The following CEP85L variants were observed in gnomAD, a reference collection of about 807,000 sequenced individuals.
CEP85L encodes centrosomal protein 85L, also known as centrosomal protein of 85 kDa-like.
In CEP85L, 60 loss-of-function variants were observed where a neutral mutation model predicts 100.3. The observed-to-expected ratio is 0.60, with a 90% CI of 0.49 to 0.74. The LOEUF (loss-of-function observed/expected upper bound fraction) is 0.74. CEP85L is among the 30% of genes least tolerant of loss of function. The pLI is 0.00. For missense variants in CEP85L, 973 were observed against 936.2 expected (o/e 1.04, Z -0.51); for synonymous variants, 319 against 322.7 (o/e 0.99, Z 0.12).
intron 3 of CEP85L, among the ~76,000 whole-genome samples, chr6:118,541,453 T>C (rs946282498): frequency 3.3e-5 from 5 of 152,208 alleles, no homozygotes; most frequent in African/African-American, 1.2e-4. Context: ...ACTGGAACAT[T>C]TTTACATCTT....
chr6:118,649,072 C>T (rs1358235991), intron 1 of CEP85L, among the ~76,000 whole-genome samples: 1 of 152,128 alleles, frequency 6.6e-6, no homozygotes, highest in Non-Finnish European at 1.5e-5. Context: ...TTGACCTTCA[C>T]CATCTGCTCA....
At chr6:118,676,707 G>A (rs1460684219) in intron 1 of CEP85L, among the ~76,000 whole-genome samples, 6 of 152,198 alleles carry the variant, frequency 3.9e-5, no homozygotes, top group African/African-American at 4.8e-5. Context: ...ATACCCAAAA[G>A]TGGGATGGCT....
chr6:118,500,297 C>A, intron 5 of CEP85L, among the ~76,000 whole-genome samples: 1 of 152,138 alleles, frequency 6.6e-6, no homozygotes, highest in East Asian at 1.9e-4. Context: ...GTGACCAACT[C>A]AGCATTCCAC....
At chr6:118,667,333 G>T (rs1776164857) in intron 1 of CEP85L, among the ~76,000 whole-genome samples, 1 of 152,122 alleles carries the variant, frequency 6.6e-6, no homozygotes, top group East Asian at 1.9e-4. Context: ...TCTAAGTGCT[G>T]CTCTAAGGTT....
At chr6:118,483,113 A>C (rs942924631) in intron 7 of CEP85L, among the ~76,000 whole-genome samples, 1 of 152,154 alleles carries the variant, frequency 6.6e-6, no homozygotes, top group Non-Finnish European at 1.5e-5. Flanking sequence ...GAGGTCAAGA[A>C]TCCCTGGCTT....
intron 2 of CEP85L, among the ~76,000 whole-genome samples, chr6:118,581,807 T>C (rs1343247301): frequency 1.3e-5 from 2 of 152,056 alleles, no homozygotes; most frequent in Non-Finnish European, 2.9e-5. Context: ...CCCTGAGACT[T>C]TGAAAAAAAA....
chr6:118,698,152 T>C (rs1777276904), intron 1 of CEP85L, among the ~76,000 whole-genome samples: 1 of 152,196 alleles, frequency 6.6e-6, no homozygotes, highest in Admixed American at 6.5e-5. Flanking sequence ...AAATGAGACA[T>C]ATGTTGCTTC....
intron 7 of CEP85L, among the ~76,000 whole-genome samples, chr6:118,482,879 G>C (rs1207188767): frequency 1.3e-5 from 2 of 152,178 alleles, no homozygotes; most frequent in Non-Finnish European, 1.5e-5. Context: ...AAAGTATGCA[G>C]AGTGACACTT....
chr6:118,602,283 TTCAG>T (rs1221659892), intron 2 of CEP85L, among the ~76,000 whole-genome samples: 1 of 152,242 alleles, frequency 6.6e-6, no homozygotes, highest in African/African-American at 2.4e-5. Flanking sequence ...TATGAAAATA[TTCAG>T]TAAGCTTCTC....
At chr6:118,700,966 T>G (rs139597257) in intron 1 of CEP85L, among the ~76,000 whole-genome samples, 70 of 152,304 alleles carry the variant, frequency 4.6e-4, no homozygotes, top group African/African-American at 1.6e-3. Context: ...GAATTAGCTT[T>G]GTCCTCAGGA....
Position 118,491,801 on chromosome 6 carries a change from T to C in CEP85L, c.1322A>G (p.Gln441Arg), listed in dbSNP as rs1464623694. Residue 441 changes from glutamine to arginine, a missense_variant, in exon 6 of 13, where the codon CAA (glutamine) becomes CGA (arginine). Physicochemically the swap from Gln to Arg is conservative, Grantham distance 43. This residue lies in a region of CEP85L where 890 missense variants were observed against 844.5 expected (regional missense o/e 1.05). Coordinates refer to ENST00000368491, the MANE Select transcript of CEP85L (RefSeq NM_001042475.3). Reference sequence around the variant, plus strand: ...TGCAAGCTTTTGCTCAAATTCCCCTTGTTGGGAATGGGAAACTGATTCCTC... The same window carrying C: ...TGCAAGCTTTTGCTCAAATTCCCCTCGTTGGGAATGGGAAACTGATTCCTC... ...FSEESVSHSQ[Q>R]GEFEQKLAST... is the part of the protein sequence containing the mutation. 1.2e-6 allele frequency: 2 copies of C among 1,612,702 alleles called. No homozygotes were observed. Among genetic ancestry groups the C allele is most frequent in the African/African-American group, 2.7e-5 (2 of 74,838 alleles).
At chr6:118,623,776 A>G (rs888169375) in intron 2 of CEP85L, among the ~76,000 whole-genome samples, 1 of 152,214 alleles carries the variant, frequency 6.6e-6, no homozygotes, top group Non-Finnish European at 1.5e-5. Context: ...CAAAGATATA[A>G]TAACTTCTCT....
chr6:118,705,606 A>C (rs1777569868), intron 1 of CEP85L, among the ~76,000 whole-genome samples: 1 of 152,254 alleles, frequency 6.6e-6, no homozygotes, highest in Admixed American at 6.5e-5. Context: ...TGATTTGCAC[A>C]AAATGAAGGA....
chr6:118,624,123 G>T (rs1309488674), intron 2 of CEP85L, among the ~76,000 whole-genome samples: 2 of 152,110 alleles, frequency 1.3e-5, no homozygotes, highest in African/African-American at 4.8e-5. Context: ...TCCTATTTCG[G>T]AAGGAAGCAT....
intron 1 of CEP85L, among the ~76,000 whole-genome samples, chr6:118,695,438 A>C (rs1170050956): frequency 6.6e-6 from 1 of 152,186 alleles, no homozygotes; most frequent in Non-Finnish European, 1.5e-5. Context: ...TGGCTCTCAA[A>C]CTTTAACATG....
At chr6:118,501,597 C>A in intron 5 of CEP85L, 1 of 579,186 alleles carries the variant, frequency 1.7e-6, no homozygotes. Flanking sequence ...AACTTCAAAC[C>A]AATATGTACT....
Position 118,473,929 on chromosome 6 carries a change from T to C in CEP85L, c.1915-3285A>G, listed in dbSNP as rs533737895. 1.2e-3 allele frequency among the ~76,000 whole-genome samples: 179 copies of C among 148,068 alleles called. 4 individuals are homozygous for C. In the South Asian group the frequency reaches 0.021, roughly 18 times the overall value. The stretch of plus-strand genomic sequence containing the variant: ...GGTGTTTATTTTGGTGGTGGGGAGA[T>C]AAGAAATAAAAAAAAGAGCCTTTTT... On this transcript the variant is annotated intron_variant, in intron 10 of 12. Coordinates refer to ENST00000368491, the MANE Select transcript of CEP85L (RefSeq NM_001042475.3).
intron 1 of CEP85L, among the ~76,000 whole-genome samples, chr6:118,694,006 A>G (rs2114326717): frequency 6.6e-6 from 1 of 152,318 alleles, no homozygotes; most frequent in East Asian, 1.9e-4. Context: ...AAGACTCAAA[A>G]GGAAGTGAGG....
chr6:118,494,607 T>A (rs753294242), intron 5 of CEP85L, among the ~76,000 whole-genome samples: 1 of 151,860 alleles, frequency 6.6e-6, no homozygotes, highest in East Asian at 1.9e-4. Flanking sequence ...AAAGAAAAAA[T>A]CTTAGAAAAC....
Sources: allele counts gnomAD v4.1 joint callset (sites outside exome capture counted in the v4.1 genomes callset), GRCh38; gene constraint gnomAD v4.1.1; regional missense constraint gnomAD v4.1.1; transcripts MANE v1.5; gene names NCBI Gene and HGNC (gene_info 2026-07-23, HGNC 2026-07-21).